The following ADAMTSL3 variants were observed in gnomAD, a reference collection of about 807,000 sequenced individuals.
ADAMTSL3 encodes the protein ADAMTS-like protein 3.
Under a neutral mutation model 201.7 loss-of-function variants are expected in ADAMTSL3, and 128 were observed. The observed-to-expected ratio is 0.63, with a 90% confidence interval of 0.55 to 0.73. ADAMTSL3 has a LOEUF of 0.73. Ranked by LOEUF, ADAMTSL3 falls within the 30% of genes least tolerant of loss-of-function variation. The probability of loss-of-function intolerance (pLI) is 0.00; values close to 1 mark genes in which losing one functional copy is unlikely to be tolerated. For synonymous variants in ADAMTSL3, 738 were observed against 748.4 expected (o/e 0.99, Z 0.23); for missense variants, 1,990 against 2,119.6 (o/e 0.94, Z 1.20).
intron 7 of ADAMTSL3, among the ~76,000 whole-genome samples, chr15:83,853,055 A>G (rs999964679): frequency 3.9e-5 from 6 of 152,100 alleles, no homozygotes; most frequent in African/African-American, 1.4e-4. Context: ...GGGTTTCGCC[A>G]TGTTGGCCAG....
chr15:83,822,308 A>C (rs1237099772), intron 6 of ADAMTSL3, among the ~76,000 whole-genome samples: 5 of 132,398 alleles, frequency 3.8e-5, no homozygotes, highest in Non-Finnish European at 4.7e-5. Flanking sequence ...GGGGCTCCTC[A>C]CTTCTCAGAC....
intron 23 of ADAMTSL3, among the ~76,000 whole-genome samples, chr15:84,007,520 A>G (rs1485341856): frequency 6.6e-6 from 1 of 152,144 alleles, no homozygotes; most frequent in Non-Finnish European, 1.5e-5. Flanking sequence ...ATGCCTGTGC[A>G]TAGCCACTGC....
At chr15:83,949,474 A>T (rs1596457010) in intron 19 of ADAMTSL3, among the ~76,000 whole-genome samples, 1 of 152,036 alleles carries the variant, frequency 6.6e-6, no homozygotes, top group Non-Finnish European at 1.5e-5. Flanking sequence ...TATACATGGG[A>T]TTATAGATAG....
chr15:83,973,579 A>T (rs2067232188), intron 20 of ADAMTSL3, among the ~76,000 whole-genome samples: 1 of 152,212 alleles, frequency 6.6e-6, no homozygotes, highest in Non-Finnish European at 1.5e-5. Context: ...AGGGGCAATA[A>T]TGGCTTTGTG....
At chr15:83,656,825 A>G (rs1234734996) in intron 2 of ADAMTSL3, among the ~76,000 whole-genome samples, 1 of 152,226 alleles carries the variant, frequency 6.6e-6, no homozygotes, top group Non-Finnish European at 1.5e-5. Flanking sequence ...TGTTAAATAA[A>G]CATGCATCCA....
At chr15:83,809,158 A>G (rs568850826) in intron 5 of ADAMTSL3, among the ~76,000 whole-genome samples, 2 of 152,268 alleles carry the variant, frequency 1.3e-5, no homozygotes, top group African/African-American at 4.8e-5. Flanking sequence ...CCACAAAGAA[A>G]TGATAAATTT....
chr15:83,980,683 A>G (rs1334673105), intron 20 of ADAMTSL3, among the ~76,000 whole-genome samples: 2 of 152,124 alleles, frequency 1.3e-5, no homozygotes, highest in Admixed American at 6.5e-5. Context: ...TGACCTACCA[A>G]TTGCATCTGT....
chr15:83,991,134 A>G lies in ADAMTSL3; in HGVS notation c.3893A>G (p.His1298Arg). 6.2e-7 allele frequency: 1 copy of G among 1,614,226 alleles called. No individual in the cohort carries two copies. Among genetic ancestry groups the G allele is most frequent in the African/African-American group, 1.3e-5 (1 of 75,062 alleles). Reference protein sequence around the residue: ...SVERNITKPEHNHLSVVVGGI... With the variant: ...SVERNITKPERNHLSVVVGGI... ...GAAAGAAATATCACCAAACCAGAGC[A>G]CAACCATCTGTCTGTTGTGGTTGGA... Residue 1298 changes from histidine to arginine, a missense_variant, in exon 23 of 30, where the codon CAC (histidine) becomes CGC (arginine). His to Arg is a conservative substitution (Grantham distance 29). Coordinates refer to ENST00000286744, the MANE Select transcript of ADAMTSL3 (RefSeq NM_207517.3).
chr15:83,876,611 T>A (rs1362238212), intron 9 of ADAMTSL3, among the ~76,000 whole-genome samples: 1 of 152,104 alleles, frequency 6.6e-6, no homozygotes, highest in Non-Finnish European at 1.5e-5. Context: ...TTTTTGTTGT[T>A]GTTTGTTTGT....
At chr15:83,960,126 AG>A (rs1032370715) in intron 19 of ADAMTSL3, among the ~76,000 whole-genome samples, 17 of 152,344 alleles carry the variant, frequency 1.1e-4, no homozygotes, top group African/African-American at 3.6e-4. Context: ...TTTATTCAAA[AG>A]CTTACAAAAA....
intron 10 of ADAMTSL3, among the ~76,000 whole-genome samples, chr15:83,885,914 A>G (rs551493799): frequency 2.0e-5 from 3 of 152,230 alleles, no homozygotes; most frequent in African/African-American, 7.2e-5. Context: ...TAGTAAAGAC[A>G]GGTTTCACCA....
At chr15:83,948,540 C>G (rs895607426) in intron 19 of ADAMTSL3, among the ~76,000 whole-genome samples, 8 of 152,076 alleles carry the variant, frequency 5.3e-5, no homozygotes, top group Non-Finnish European at 1.5e-5. Flanking sequence ...GATACAAAGT[C>G]TAAGAAACTT....
Position 83,946,833 on chromosome 15 carries a change from T to C in ADAMTSL3, c.2490+3751T>C, listed in dbSNP as rs536550154. Among the ~76,000 whole-genome samples the C allele has an allele frequency of 7.2e-5, 11 of 152,300 alleles. No individual in the cohort carries two copies. The South Asian group carries it at 1.7e-3, about 23-fold the overall frequency. On this transcript the variant is annotated intron_variant, in intron 19 of 29. Coordinates refer to ENST00000286744, the MANE Select transcript of ADAMTSL3 (RefSeq NM_207517.3). ...CCATTCATCAGGGCAAAGAGCAAGC[T>C]CTTCTGTGCTCCAAGAGGTCAGCCC... is the stretch of plus-strand genomic sequence containing the variant.
intron 3 of ADAMTSL3, among the ~76,000 whole-genome samples, chr15:83,764,013 G>T (rs912683663): frequency 6.6e-6 from 1 of 152,216 alleles, no homozygotes; most frequent in African/African-American, 2.4e-5. Context: ...AAGCCTGAAT[G>T]ATATTGGCAT....
chr15:83,714,309 A>G (rs1193201879), intron 3 of ADAMTSL3, among the ~76,000 whole-genome samples: 1 of 152,172 alleles, frequency 6.6e-6, no homozygotes, highest in East Asian at 1.9e-4. Flanking sequence ...CCCAAGGGCA[A>G]GTGGGGGCAC....
Position 84,038,842 on chromosome 15 carries a change from A to G in ADAMTSL3, c.*1036A>G, listed in dbSNP as rs908831269. The G allele has an allele frequency of 1.3e-5, 2 of 152,196 alleles. No homozygotes were observed. The highest frequency in any genetic ancestry group is 4.8e-5 in the African/African-American group (2 of 41,420). The allele number at this position is 152,196 out of a possible 1,614,324, so 9.4% of individuals were successfully genotyped here. ...AGAATTTAGTTTAAGATTTGAGGAA[A>G]AGGGTAAGGGTTAGTTTCAGTTTTA... On this transcript the variant is annotated 3_prime_UTR_variant, in exon 30 of 30. Transcript: ENST00000286744.
At chr15:83,980,910 G>GT (rs1381247607) in intron 20 of ADAMTSL3, among the ~76,000 whole-genome samples, 1 of 152,134 alleles carries the variant, frequency 6.6e-6, no homozygotes, top group Non-Finnish European at 1.5e-5. Flanking sequence ...CAGCGCCAAG[G>GT]GCCTGAGAAG....
chr15:83,929,307 C>T (rs140869331), intron 17 of ADAMTSL3, among the ~76,000 whole-genome samples: 30 of 152,202 alleles, frequency 2.0e-4, no homozygotes, highest in East Asian at 1.4e-3. Flanking sequence ...TTAAGGTGTC[C>T]GCGGCGTTGA....
At chr15:83,941,752 A>G (rs2066564831) in intron 17 of ADAMTSL3, among the ~76,000 whole-genome samples, 1 of 152,238 alleles carries the variant, frequency 6.6e-6, no homozygotes, top group Admixed American at 6.5e-5. Context: ...GTTATTACAC[A>G]CTACCCTGGA....
Sources: gnomAD v4.1 joint callset for allele counts (sites outside exome capture counted in the v4.1 genomes callset) on GRCh38, gnomAD v4.1.1 for gene constraint, MANE v1.5 for transcripts, NCBI Gene and HGNC (gene_info 2026-07-23, HGNC 2026-07-21) for gene names.